Variants in OLA1 observed in about 807,000 individuals in gnomAD.
OLA1 encodes obg-like ATPase 1.
A neutral mutation model predicts 48.4 loss-of-function variants in OLA1; 14 were observed. That is an observed-to-expected ratio of 0.29 (90% CI 0.19 to 0.45). The LOEUF (loss-of-function observed/expected upper bound fraction) is 0.45. Ranked by LOEUF, OLA1 falls within the 20% of genes least tolerant of loss-of-function variation. OLA1 has a pLI of 1.00. For missense variants in OLA1, 325 were observed against 467.1 expected, an observed-to-expected ratio of 0.70 and a Z score of 2.80; for synonymous variants, 127 against 150.4, an observed-to-expected ratio of 0.84 and a Z score of 1.14.
chr2:174,230,134 C>T (rs1162764873), intron 2 of OLA1, among the ~76,000 whole-genome samples: 1 of 151,958 alleles, frequency 6.6e-6, no homozygotes, highest in African/African-American at 2.4e-5. Flanking sequence ...AAAGCCCACT[C>T]ACGTTAACAT....
At chr2:174,191,776 TG>T (rs1422036886) in intron 4 of OLA1, among the ~76,000 whole-genome samples, 1 of 152,140 alleles carries the variant, frequency 6.6e-6, no homozygotes, top group African/African-American at 2.4e-5. Context: ...AATTGTTTCT[TG>T]AAAAAAAAAT....
chr2:174,152,937 G>A (rs13019401), intron 4 of OLA1, among the ~76,000 whole-genome samples: 19,680 of 152,164 alleles, frequency 0.13, 1,472 homozygotes, highest in East Asian at 0.21. Flanking sequence ...CCAGAAGAAT[G>A]TGCTTTTGCT....
intron 4 of OLA1, among the ~76,000 whole-genome samples, chr2:174,189,881 A>C (rs78216523): frequency 0.11 from 16,605 of 146,914 alleles, 1,503 homozygotes; most frequent in African/African-American, 0.25. Flanking sequence ...AAAAAAACAA[A>C]ACACACACAC....
intron 7 of OLA1, among the ~76,000 whole-genome samples, chr2:174,113,888 C>G (rs1003439911): frequency 6.6e-6 from 1 of 152,102 alleles, no homozygotes; most frequent in African/African-American, 2.4e-5. Context: ...ACCGCCTGCC[C>G]TATCTGTAAA....
chr2:174,148,116 G>A (rs1020365684), intron 4 of OLA1, among the ~76,000 whole-genome samples: 4 of 152,222 alleles, frequency 2.6e-5, no homozygotes, highest in African/African-American at 9.6e-5. Context: ...GCCGGGCGTG[G>A]TGGCTCACGC....
intron 4 of OLA1, among the ~76,000 whole-genome samples, chr2:174,183,106 C>G (rs976971153): frequency 4.6e-5 from 7 of 151,874 alleles, no homozygotes; most frequent in South Asian, 2.1e-4. Context: ...GACACTACTT[C>G]AGCAAAAAAA....
At chr2:174,102,647 G>C (rs1416642970) in intron 7 of OLA1, among the ~76,000 whole-genome samples, 2 of 152,136 alleles carry the variant, frequency 1.3e-5, no homozygotes, top group Non-Finnish European at 2.9e-5. Flanking sequence ...TTCGAATAAG[G>C]GAAATCTGCA....
chr2:174,136,544 C>A (rs1444930062), intron 5 of OLA1, among the ~76,000 whole-genome samples: 2 of 152,164 alleles, frequency 1.3e-5, no homozygotes, highest in African/African-American at 4.8e-5. Context: ...GCTGTTTCCA[C>A]CACATCTGCA....
chr2:174,226,264 G>A (rs2105453439), intron 3 of OLA1, among the ~76,000 whole-genome samples: 1 of 151,608 alleles, frequency 6.6e-6, no homozygotes, highest in African/African-American at 2.4e-5. Flanking sequence ...GCTAGGATAA[G>A]GTTTAAACTA....
intron 5 of OLA1, among the ~76,000 whole-genome samples, chr2:174,129,603 CA>C (rs1415721770): frequency 6.6e-6 from 1 of 151,566 alleles, no homozygotes; most frequent in African/African-American, 2.4e-5. Flanking sequence ...GGTTAGATAA[CA>C]CACTAAATAA....
chr2:174,146,724 C>G (rs1686609521), intron 4 of OLA1, among the ~76,000 whole-genome samples: 1 of 152,246 alleles, frequency 6.6e-6, no homozygotes, highest in East Asian at 1.9e-4. Context: ...AAGGTGTATT[C>G]AACCGTCAGA....
chr2:174,081,093 T>C (rs1183628256), intron 9 of OLA1, 59 bp downstream of exon 9: 7 of 1,387,952 alleles, frequency 5.0e-6, no homozygotes, highest in Admixed American at 3.4e-5. Flanking sequence ...GTCAGTGATA[T>C]CAATCTGAAT....
rs1197455507 is a variant in OLA1 at position 174,073,958 on chromosome 2, AAAG to A, written c.*1465_*1467del. ...TAGTTTACTCATTTTTATGTTAGCA[AAAG>A]AAGATCACTATTTGATACTAAAAAA... On this transcript the variant is annotated 3_prime_UTR_variant, in exon 11 of 11. Transcript: ENST00000284719. 6.6e-6 allele frequency: 1 copy of A among 152,192 alleles called. No homozygotes were observed. Among genetic ancestry groups the A allele is most frequent in the Non-Finnish European group, 1.5e-5 (1 of 68,038 alleles). 9.4% of individuals were successfully genotyped at this position (152,192 alleles called of 1,614,324 possible). A position where few individuals can be genotyped will look rare whatever the true frequency, so the allele number is the denominator to read the frequency against.
Position 174,123,524 on chromosome 2 carries a change from A to G in OLA1, c.630+71T>C, listed in dbSNP as rs76023969. 1,878 of 897,514 alleles carry G rather than the reference A, an allele frequency of 2.1e-3. 30 individuals are homozygous for G. In the African/African-American group the frequency reaches 0.028, roughly 13 times the overall value. 55.6% of individuals were successfully genotyped at this position (897,514 alleles called of 1,614,324 possible). The stretch of plus-strand genomic sequence containing the variant: ...GATATAATGGTAAGTGTAAAATAAC[A>G]ACAACTCTAATTTGTTCCCTAGCAA... On this transcript the variant is annotated intron_variant, in intron 6 of 10. Coordinates refer to ENST00000284719, the MANE Select transcript of OLA1 (RefSeq NM_013341.5).
intron 4 of OLA1, chr2:174,172,171 C>T (rs968642696): frequency 1.4e-5 from 3 of 218,124 alleles, no homozygotes; most frequent in Non-Finnish European, 3.0e-5. Context: ...AGAGATGTGG[C>T]GTTTGATGTT....
At chr2:174,099,839 T>G (rs1685351374) in intron 7 of OLA1, among the ~76,000 whole-genome samples, 1 of 152,332 alleles carries the variant, frequency 6.6e-6, no homozygotes, top group East Asian at 1.9e-4. Context: ...TAAGTCCATT[T>G]TAAATTTTGT....
chr2:174,136,852 TTTTCAGTAGAGACAGGG>T (rs1686322178), intron 5 of OLA1, among the ~76,000 whole-genome samples: 1 of 151,752 alleles, frequency 6.6e-6, no homozygotes, highest in South Asian at 2.1e-4. Context: ...TTTTTTTGTA[TTTTCAGTAGAGACAGGG>T]TTTCACCATG....
intron 5 of OLA1, among the ~76,000 whole-genome samples, chr2:174,124,910 C>G (rs1234254452): frequency 3.9e-5 from 6 of 152,074 alleles, no homozygotes; most frequent in Non-Finnish European, 8.8e-5. Context: ...TTGAAACCCT[C>G]CAGGCAAAGG....
chr2:174,234,862 A>C (rs993365640), intron 2 of OLA1, among the ~76,000 whole-genome samples: 3 of 152,226 alleles, frequency 2.0e-5, no homozygotes, highest in African/African-American at 7.2e-5. Flanking sequence ...AAACTCATTT[A>C]AAATTTTAAA....
Sources: gnomAD v4.1 joint callset for allele counts (sites outside exome capture counted in the v4.1 genomes callset) on GRCh38, gnomAD v4.1.1 for gene constraint, MANE v1.5 for transcripts, NCBI Gene and HGNC (gene_info 2026-07-23, HGNC 2026-07-21) for gene names.